TNNI3K: variants seen among roughly 807,000 people sequenced by gnomAD.
TNNI3K encodes the protein TNNI3 interacting kinase, also known as serine/threonine-protein kinase TNNI3K.
In TNNI3K, 140 loss-of-function variants were observed where a neutral mutation model predicts 114.5. The ratio of observed to expected loss-of-function variants is 1.22; its 90% confidence interval spans 1.07 to 1.41. The LOEUF is 1.41. Ranked by LOEUF, TNNI3K falls within the 40% of genes most tolerant of loss-of-function variation. The probability of loss-of-function intolerance (pLI) is 0.00; values close to 1 mark genes in which losing one functional copy is unlikely to be tolerated. For synonymous variants in TNNI3K, 347 were observed against 347.5 expected, an observed-to-expected ratio of 1.00 and a Z score of 0.02; for missense variants, 1,125 against 1,007.6, an observed-to-expected ratio of 1.12 and a Z score of -1.58.
At chr1:74,459,014 G>C (rs72969854) in intron 20 of TNNI3K, among the ~76,000 whole-genome samples, 3,059 of 152,084 alleles carry the variant, frequency 0.02, 90 homozygotes, top group African/African-American at 0.07. Context: ...GTGTTATTTG[G>C]TTTTCTGGTC....
intron 20 of TNNI3K, among the ~76,000 whole-genome samples, chr1:74,462,189 G>A (rs923022149): frequency 5.9e-5 from 9 of 152,134 alleles, no homozygotes; most frequent in African/African-American, 2.2e-4. Context: ...TAATCATTCA[G>A]AATAATCCAT....
chr1:74,340,537 G>A (rs1270665843), intron 7 of TNNI3K, among the ~76,000 whole-genome samples: 2 of 152,100 alleles, frequency 1.3e-5, no homozygotes, highest in African/African-American at 4.8e-5. Flanking sequence ...TGTTCCTTCA[G>A]TTGGTATTTA....
At chr1:74,353,244 G>A in intron 9 of TNNI3K, 22 bp from the exon 10 acceptor site, 1 of 1,603,566 alleles carries the variant, frequency 6.2e-7, no homozygotes, top group Non-Finnish European at 8.5e-7. Context: ...TATCTTTCTT[G>A]TTTTATGGTT....
intron 21 of TNNI3K, chr1:74,471,635 G>A (rs1667936644): frequency 2.5e-6 from 1 of 400,516 alleles, no homozygotes; most frequent in Non-Finnish European, 4.4e-6. Context: ...TTTTTCTGTC[G>A]TTTCCAAGGG....
chr1:74,451,681 T>TCTTTC (rs1667011071), intron 20 of TNNI3K, among the ~76,000 whole-genome samples: 1 of 39,920 alleles, frequency 2.5e-5, no homozygotes, highest in African/African-American at 9.5e-5. Context: ...TCTTTTCTTT[T>TCTTTC]CTTTTCTTTC....
intron 17 of TNNI3K, among the ~76,000 whole-genome samples, chr1:74,420,976 G>GA: frequency 6.6e-6 from 1 of 152,220 alleles, no homozygotes; most frequent in African/African-American, 2.4e-5. Context: ...AGACCTTGGC[G>GA]ATGAACTTCA....
intron 23 of TNNI3K, among the ~76,000 whole-genome samples, chr1:74,503,832 TGTG>T (rs1383662546): frequency 2.0e-5 from 3 of 152,168 alleles, no homozygotes; most frequent in Admixed American, 6.5e-5. Flanking sequence ...CTCCTAATGT[TGTG>T]GTGGTATGGG....
At chr1:74,395,057 A>G (rs534771724) in intron 17 of TNNI3K, among the ~76,000 whole-genome samples, 75 of 151,296 alleles carry the variant, frequency 5.0e-4, no homozygotes, top group African/African-American at 1.7e-3. Context: ...AAAAAAAAAA[A>G]GAGAAAACAC....
chr1:74,278,782 GA>G (rs1337067091), intron 5 of TNNI3K, among the ~76,000 whole-genome samples: 1 of 152,028 alleles, frequency 6.6e-6, no homozygotes, highest in African/African-American at 2.4e-5. Context: ...TCACTGCCAA[GA>G]CAACCATGAA....
chr1:74,450,899 A>G (rs1432848524), intron 20 of TNNI3K, among the ~76,000 whole-genome samples: 3 of 152,208 alleles, frequency 2.0e-5, no homozygotes, highest in East Asian at 3.9e-4. Flanking sequence ...ATTACTGGGT[A>G]TATACCCAAA....
chr1:74,341,889 T>C (rs1056625853), intron 7 of TNNI3K: 1 of 152,166 alleles, frequency 6.6e-6, no homozygotes, highest in Non-Finnish European at 1.5e-5. Context: ...ATTGCCAAGA[T>C]AGATTAGGCC....
chr1:74,417,135 G>A (rs2100625202), intron 17 of TNNI3K, among the ~76,000 whole-genome samples: 1 of 152,112 alleles, frequency 6.6e-6, no homozygotes, highest in South Asian at 2.1e-4. Context: ...AGAGAGAAAT[G>A]CGTAATAATG....
At chr1:74,413,176 C>G (rs1290572610) in intron 17 of TNNI3K, among the ~76,000 whole-genome samples, 1 of 152,130 alleles carries the variant, frequency 6.6e-6, no homozygotes, top group Non-Finnish European at 1.5e-5. Flanking sequence ...TTCCCATGTG[C>G]TGGACACTGT....
At chr1:74,379,525 C>T (rs2100545331) in intron 17 of TNNI3K, among the ~76,000 whole-genome samples, 1 of 152,182 alleles carries the variant, frequency 6.6e-6, no homozygotes, top group Non-Finnish European at 1.5e-5. Flanking sequence ...TAATTTCTAT[C>T]CCCATTTCTG....
chr1:74,311,291 A>C (rs1021601630), intron 5 of TNNI3K, among the ~76,000 whole-genome samples: 1 of 152,160 alleles, frequency 6.6e-6, no homozygotes, highest in African/African-American at 2.4e-5. Context: ...TTCAGTTGTC[A>C]TAATCATATA....
chr1:74,507,228 C>CCT (rs757447176), intron 23 of TNNI3K, among the ~76,000 whole-genome samples: 1 of 138,636 alleles, frequency 7.2e-6, no homozygotes, highest in Non-Finnish European at 1.6e-5. Context: ...TCTTCACCCC[C>CCT]CCCCCATCTT....
At chr1:74,439,801 C>T (rs960925788) in intron 20 of TNNI3K, among the ~76,000 whole-genome samples, 179 bp downstream of exon 20, 7 of 151,746 alleles carry the variant, frequency 4.6e-5, no homozygotes, top group African/African-American at 1.7e-4. Flanking sequence ...TAATGACTTA[C>T]CTGTGATTTC....
intron 5 of TNNI3K, among the ~76,000 whole-genome samples, chr1:74,315,210 G>T (rs1205612275): frequency 2.0e-5 from 3 of 152,096 alleles, no homozygotes; most frequent in Non-Finnish European, 1.5e-5. Context: ...AATTTTACAA[G>T]TAAAAGTGTC....
At chr1:74,237,966 G>C (rs181094018) in intron 2 of TNNI3K, among the ~76,000 whole-genome samples, 30 of 151,968 alleles carry the variant, frequency 2.0e-4, no homozygotes, top group African/African-American at 6.5e-4. Flanking sequence ...AGTAAATTCT[G>C]GAATGTGATT....
Sources: allele counts gnomAD v4.1 joint callset (sites outside exome capture counted in the v4.1 genomes callset), GRCh38; gene constraint gnomAD v4.1.1; transcripts MANE v1.5; gene names NCBI Gene and HGNC (gene_info 2026-07-23, HGNC 2026-07-21).